The following RAPGEF1 variants were observed in gnomAD, a reference collection of about 807,000 sequenced individuals.
RAPGEF1 encodes Rap guanine nucleotide exchange factor 1, also known as CRK SH3-binding GNRP.
In RAPGEF1, 33 loss-of-function variants were observed where a neutral mutation model predicts 143.3. The observed-to-expected ratio is 0.23, with a 90% CI of 0.17 to 0.31. The LOEUF is 0.31. RAPGEF1 is among the 10% of genes least tolerant of loss of function. The probability of loss-of-function intolerance (pLI) is 1.00; values close to 1 mark genes in which losing one functional copy is unlikely to be tolerated. For missense variants in RAPGEF1, 1,199 were observed against 1,645.4 expected, an observed-to-expected ratio of 0.73 and a Z score of 4.69; for synonymous variants, 629 against 676.5, an observed-to-expected ratio of 0.93 and a Z score of 1.09.
chr9:131,726,628 GA>G (rs71374125), intron 1 of RAPGEF1, among the ~76,000 whole-genome samples: 3 of 101,666 alleles, frequency 3.0e-5, no homozygotes, highest in Non-Finnish European at 7.0e-5. Flanking sequence ...TCTGTCTCAA[GA>G]AAAAAAAAAA....
At chr9:131,637,755 T>G (rs1364048897) in intron 5 of RAPGEF1, among the ~76,000 whole-genome samples, 1 of 152,226 alleles carries the variant, frequency 6.6e-6, no homozygotes, top group East Asian at 1.9e-4. Context: ...GTGTATTGAC[T>G]AGTGTAATCT....
At chr9:131,636,669 A>G (rs1203022765) in intron 5 of RAPGEF1, among the ~76,000 whole-genome samples, 3 of 152,246 alleles carry the variant, frequency 2.0e-5, no homozygotes, top group Admixed American at 6.5e-5. Context: ...ACAATTTTCA[A>G]TAATAGCATT....
At chr9:131,595,382 T>A (rs1027065218) in intron 17 of RAPGEF1, among the ~76,000 whole-genome samples, 145 of 152,324 alleles carry the variant, frequency 9.5e-4, no homozygotes, top group African/African-American at 3.2e-3. Context: ...ATTCAGAAAT[T>A]CCCCGAGTCA....
At chr9:131,689,091 C>T (rs1447942341) in intron 1 of RAPGEF1, among the ~76,000 whole-genome samples, 1 of 152,138 alleles carries the variant, frequency 6.6e-6, no homozygotes, top group Non-Finnish European at 1.5e-5. Flanking sequence ...GGTTGTCTGG[C>T]TAACAACTGC....
chr9:131,590,578 G>A (rs751397429), intron 18 of RAPGEF1, among the ~76,000 whole-genome samples: 1 of 152,166 alleles, frequency 6.6e-6, no homozygotes, highest in Non-Finnish European at 1.5e-5. Context: ...CCCTGAGGTC[G>A]GGCTCTGCTT....
In RAPGEF1 at chr9:131,626,006, C is replaced by T. The variant is rs749868886; in HGVS notation, c.1618G>A (p.Glu540Lys). The change falls in exon 10 of 27, where the codon GAA becomes AAA. Residue 540 changes from glutamate (E) to lysine (K), a missense_variant. Glu to Lys is a moderately conservative substitution (Grantham distance 56). Coordinates refer to ENST00000683357, the MANE Select transcript of RAPGEF1 (RefSeq NM_001377935.1). ...FQHGGSSAPV[E>K]FVGDFTAPES... ...GGAGCAGTAAAATCACCCACAAATT[C>T]GACAGGGGCTGAGGAACCTCCATGC... 14 of 1,609,642 alleles carry T rather than the reference C, an allele frequency of 8.7e-6. No individual in the cohort carries two copies. In the Admixed American group the frequency reaches 1.2e-4, roughly 13 times the overall value.
rs147556015 is a variant in RAPGEF1, at chr9:131,694,695, C to T, written c.62-43746G>A. 8.7e-3 allele frequency among the ~76,000 whole-genome samples: 1,325 copies of T among 152,138 alleles called. 19 individuals carry two copies. The highest frequency in any genetic ancestry group is 9.8e-3 in the Non-Finnish European group (668 of 68,002). On this transcript the variant is annotated intron_variant, in intron 1 of 26. Transcript: ENST00000683357. ...CAGATATCACCTTTCAATGAGGCCA[C>T]CCCGGACACTCTCTTTAGCTCTGCA...
In RAPGEF1 at chr9:131,728,892, C is replaced by T. The variant is rs76200889; in HGVS notation, c.61+10878G>A. 2.0e-5 allele frequency among the ~76,000 whole-genome samples: 3 copies of T among 152,336 alleles called. No individual in the cohort carries two copies. In the East Asian group the frequency reaches 5.8e-4, roughly 29 times the overall value. On this transcript the variant is annotated intron_variant, in intron 1 of 26. Coordinates refer to ENST00000683357, the MANE Select transcript of RAPGEF1 (RefSeq NM_001377935.1). ...TACATCATCTCGTTTAATTCTCCCT[C>T]AATACCATAAGGTAGGTACTGTTAG...
intron 1 of RAPGEF1, among the ~76,000 whole-genome samples, chr9:131,712,260 G>GT (rs1835561763): frequency 6.6e-6 from 1 of 152,166 alleles, no homozygotes; most frequent in South Asian, 2.1e-4. Context: ...AAAACTAACA[G>GT]TTGCACAGCA....
chr9:131,587,706 C>T lies in RAPGEF1; in HGVS notation c.3233+30G>A, dbSNP rs774290804. On this transcript the variant is annotated intron_variant, in intron 22 of 26. Transcript: ENST00000683357. ...CACCCAGACGTGCCACCATCCAGAGCAACAGGGCTTGGCGCTGGGCCTCTC... is the reference window on the plus strand; with the variant it reads ...CACCCAGACGTGCCACCATCCAGAGTAACAGGGCTTGGCGCTGGGCCTCTC... 1.9e-6 allele frequency: 3 copies of T among 1,602,800 alleles called. No individual in the cohort carries two copies. In the South Asian group the frequency reaches 3.3e-5, roughly 18 times the overall value.
At chr9:131,632,406 C>T (rs1387455841) in intron 5 of RAPGEF1, among the ~76,000 whole-genome samples, 11 of 151,372 alleles carry the variant, frequency 7.3e-5, no homozygotes, top group Non-Finnish European at 1.3e-4. Context: ...GGATTACAGG[C>T]GTGAGCCACC....
chr9:131,613,061 C>G (rs1412439829), intron 12 of RAPGEF1, among the ~76,000 whole-genome samples: 2 of 152,308 alleles, frequency 1.3e-5, no homozygotes, highest in South Asian at 4.1e-4. Context: ...CAGCAGCCTC[C>G]CCCACATGGC....
At chr9:131,637,293 C>G (rs1287243191) in intron 5 of RAPGEF1, among the ~76,000 whole-genome samples, 1 of 151,984 alleles carries the variant, frequency 6.6e-6, no homozygotes, top group South Asian at 2.1e-4. Context: ...CTAGGCAAGC[C>G]CCTTTTACAT....
chr9:131,589,212 T>A (rs1018589829), intron 19 of RAPGEF1, among the ~76,000 whole-genome samples: 2 of 152,258 alleles, frequency 1.3e-5, no homozygotes, highest in Non-Finnish European at 2.9e-5. Flanking sequence ...CAGCCATCTG[T>A]TGGCGCTGGA....
intron 1 of RAPGEF1, among the ~76,000 whole-genome samples, chr9:131,729,759 T>C (rs1420010547): frequency 1.3e-5 from 2 of 152,220 alleles, no homozygotes; most frequent in East Asian, 1.9e-4. Flanking sequence ...GCTGACTCTT[T>C]ATAAGAACAG....
chr9:131,731,255 C>T (rs989024122), intron 1 of RAPGEF1, among the ~76,000 whole-genome samples: 17 of 152,210 alleles, frequency 1.1e-4, no homozygotes, highest in African/African-American at 3.1e-4. Flanking sequence ...TGGTACAGCA[C>T]GTGGTAAGTG....
chr9:131,679,535 GT>G (rs142135646), intron 1 of RAPGEF1, among the ~76,000 whole-genome samples: 42 of 152,354 alleles, frequency 2.8e-4, no homozygotes, highest in African/African-American at 9.6e-4. Flanking sequence ...AACAACTTGT[GT>G]AAGTCCTGAA....
At chr9:131,585,010 G>A (rs1009080107) in intron 22 of RAPGEF1, among the ~76,000 whole-genome samples, 1 of 152,198 alleles carries the variant, frequency 6.6e-6, no homozygotes, top group Admixed American at 6.5e-5. Flanking sequence ...GTCACCTTGG[G>A]CAGCCACGAG....
intron 1 of RAPGEF1, among the ~76,000 whole-genome samples, chr9:131,676,968 G>A (rs554447192): frequency 5.4e-4 from 83 of 152,302 alleles, no homozygotes; most frequent in African/African-American, 1.9e-3. Flanking sequence ...AAGCTCTCCA[G>A]GTGATTCTGA....
Sources: gnomAD v4.1 joint callset for allele counts (sites outside exome capture counted in the v4.1 genomes callset) on GRCh38, gnomAD v4.1.1 for gene constraint, MANE v1.5 for transcripts, NCBI Gene and HGNC (gene_info 2026-07-23, HGNC 2026-07-21) for gene names.